KCNK2: variants seen among roughly 807,000 people sequenced by gnomAD.
The protein encoded by KCNK2 is potassium channel subfamily K member 2.
Under a neutral mutation model 40.5 loss-of-function variants are expected in KCNK2, and 21 were observed. That is an observed-to-expected ratio of 0.52 (90% CI 0.37 to 0.75). The LOEUF (loss-of-function observed/expected upper bound fraction) is 0.75, where lower values mean the gene tolerates loss of function less well. Among genes scored for constraint, KCNK2 ranks in the 30% least tolerant of loss-of-function variants. KCNK2 has a pLI of 0.00. For synonymous variants in KCNK2, 191 were observed against 202.2 expected (o/e 0.94, Z 0.47); for missense variants, 399 against 531.6 (o/e 0.75, Z 2.45).
intron 1 of KCNK2, among the ~76,000 whole-genome samples, chr1:215,020,631 G>T (rs1656756973): frequency 6.6e-6 from 1 of 151,994 alleles, no homozygotes; most frequent in Non-Finnish European, 1.5e-5. Flanking sequence ...TCACCATGTT[G>T]CCCAGGTTGG....
At chr1:215,206,940 T>C (rs1250802229) in intron 6 of KCNK2, among the ~76,000 whole-genome samples, 1 of 152,206 alleles carries the variant, frequency 6.6e-6, no homozygotes, top group East Asian at 1.9e-4. Context: ...CTAGAATCTC[T>C]TGGCTATCTT....
At chr1:215,043,769 C>G (rs1175596045) in intron 1 of KCNK2, among the ~76,000 whole-genome samples, 1 of 152,106 alleles carries the variant, frequency 6.6e-6, no homozygotes, top group African/African-American at 2.4e-5. Context: ...ATACTGTATA[C>G]TTATAATTGG....
intron 1 of KCNK2, among the ~76,000 whole-genome samples, chr1:215,011,325 C>T (rs1282597417): frequency 6.6e-6 from 1 of 152,170 alleles, no homozygotes; most frequent in Non-Finnish European, 1.5e-5. Context: ...CAGGGTCTCA[C>T]ACTGGTTGTC....
In KCNK2 at chr1:215,083,313, T is replaced by G; in HGVS notation, c.-73T>G. On this transcript the variant is annotated 5_prime_UTR_variant, in exon 1 of 7. Coordinates refer to ENST00000444842, the MANE Select transcript of KCNK2 (RefSeq NM_001017425.3). ...AGCCCGTCTCTGAATAAGAAGTGAG[T>G]ACAATGGCGTGTTTGTAAAAAAAAG... 3 of 1,610,438 alleles carry G rather than the reference T, an allele frequency of 1.9e-6. No individual in the cohort carries two copies. The South Asian group carries it at 3.3e-5, about 18-fold the overall frequency.
chr1:215,172,263 C>A, intron 5 of KCNK2, 80 bp downstream of exon 5: 1 of 1,298,530 alleles, frequency 7.7e-7, no homozygotes. Context: ...TATAACGAAA[C>A]ACAAGGGCTG....
At chr1:215,018,110 G>A (rs1361420182) in intron 1 of KCNK2, among the ~76,000 whole-genome samples, 6 of 152,184 alleles carry the variant, frequency 3.9e-5, no homozygotes, top group Non-Finnish European at 5.9e-5. Context: ...TATGTATGAT[G>A]TAGATATTGA....
chr1:215,093,789 TATTATATAATATAA>T (rs1659835040), intron 2 of KCNK2, among the ~76,000 whole-genome samples: 7 of 14,158 alleles, frequency 4.9e-4, no homozygotes, highest in Non-Finnish European at 1.3e-3. Context: ...ATATATTATA[TATTATATAATATAA>T]AATATATTAT....
upstream of KCNK2, chr1:215,005,813 G>A: frequency 1.1e-6 from 1 of 945,278 alleles, no homozygotes; most frequent in Non-Finnish European, 1.7e-6. Context: ...TGGGACGATG[G>A]CTTGTTAGTA....
At chr1:215,196,633 C>A (rs573095967) in intron 6 of KCNK2, among the ~76,000 whole-genome samples, 1 of 151,982 alleles carries the variant, frequency 6.6e-6, no homozygotes, top group Non-Finnish European at 1.5e-5. Context: ...TGAATAGGAC[C>A]GCAATGGATT....
At chr1:215,223,215 A>G (rs1240621411) in intron 6 of KCNK2, among the ~76,000 whole-genome samples, 1 of 144,312 alleles carries the variant, frequency 6.9e-6, no homozygotes, top group African/African-American at 2.6e-5. Context: ...AACAATGATT[A>G]TATCTGTACA....
chr1:215,050,923 T>C (rs1657964721), intron 1 of KCNK2, among the ~76,000 whole-genome samples: 1 of 152,146 alleles, frequency 6.6e-6, no homozygotes, highest in African/African-American at 2.4e-5. Context: ...GTCACAGTAA[T>C]AGGTTGTTAA....
chr1:215,073,257 G>C (rs1169493472), intron 1 of KCNK2, among the ~76,000 whole-genome samples: 1 of 152,108 alleles, frequency 6.6e-6, no homozygotes, highest in Middle Eastern at 3.2e-3. Context: ...CTTCTACTCC[G>C]CAGACCACAT....
chr1:215,069,732 T>C (rs79231259), intron 1 of KCNK2, among the ~76,000 whole-genome samples: 1,756 of 152,332 alleles, frequency 0.012, 39 homozygotes, highest in South Asian at 0.096. Flanking sequence ...TGGCTGGGCC[T>C]GAATTCAAAT....
rs1161761153 is a variant in KCNK2, at chr1:215,093,743, A to T, written c.357+7065A>T. On this transcript the variant is annotated intron_variant, in intron 2 of 6. Transcript: ENST00000444842. Reference sequence around the variant, plus strand: ...ATAAAAATATATAATATATAATATAAAAATATATTATATATTATATAATAT... The same window carrying T: ...ATAAAAATATATAATATATAATATATAAATATATTATATATTATATAATAT... 1.7e-4 allele frequency among the ~76,000 whole-genome samples: 10 copies of T among 58,916 alleles called. No homozygotes were observed. The South Asian group carries it at 4.4e-3, about 26-fold the overall frequency. 38.7% of individuals were successfully genotyped at this position (58,916 alleles called of 152,430 possible).
At position 215,086,636 on chromosome 1, in the gene KCNK2, A is replaced by T. The variant is rs780409026; in HGVS notation, c.315A>T (p.Gln105His). 1.2e-6 allele frequency: 2 copies of T among 1,614,110 alleles called. No homozygotes were observed. The highest frequency in any genetic ancestry group is 4.5e-5 in the East Asian group (2 of 44,864). The change falls in exon 2 of 7, where the codon CAA becomes CAT. Residue 105 changes from glutamine (Q) to histidine (H), a missense_variant. Physicochemically the swap from Gln to His is conservative, Grantham distance 24. Around this residue, in one of 3 missense-constraint regions of KCNK2, gnomAD observed 279 missense variants for 353.8 expected, o/e 0.79. Transcript: ENST00000444842. ...IVIQKQTFIS[Q>H]HSCVNSTELD... ...TCCAGAAGCAAACATTCATATCCCA[A>T]CATTCCTGTGTCAATTCGACGGAGC...
At position 215,161,913 on chromosome 1, in the gene KCNK2, A is replaced by G. The variant is rs545965049; in HGVS notation, c.476-7286A>G. ...CATGAGCATGTGTCTTTATTGTAGA[A>G]TGATTTATAATCCTTTGGGCATATA... On this transcript the variant is annotated intron_variant, in intron 3 of 6. Coordinates refer to ENST00000444842, the MANE Select transcript of KCNK2 (RefSeq NM_001017425.3). Among the ~76,000 whole-genome samples the G allele has an allele frequency of 2.0e-5, 3 of 152,294 alleles. No individual in the cohort carries two copies. The East Asian group carries it at 5.8e-4, about 29-fold the overall frequency.
chr1:215,088,532 C>T (rs1659554671), intron 2 of KCNK2, among the ~76,000 whole-genome samples: 1 of 149,616 alleles, frequency 6.7e-6, no homozygotes, highest in Non-Finnish European at 1.5e-5. Flanking sequence ...CATGTAGTTG[C>T]ATTCTTATCA....
At chr1:215,170,466 C>A (rs1187419148) in intron 4 of KCNK2, among the ~76,000 whole-genome samples, 1 of 152,120 alleles carries the variant, frequency 6.6e-6, no homozygotes, top group Non-Finnish European at 1.5e-5. Context: ...ACTTCTAGCA[C>A]CACTGTTGCA....
chr1:215,100,731 C>T (rs554903130), intron 2 of KCNK2, among the ~76,000 whole-genome samples: 97 of 152,080 alleles, frequency 6.4e-4, no homozygotes, highest in African/African-American at 2.2e-3. Flanking sequence ...TTCCACTTGT[C>T]GCAAACCATC....
Sources: allele counts gnomAD v4.1 joint callset (sites outside exome capture counted in the v4.1 genomes callset), GRCh38; gene constraint gnomAD v4.1.1; regional missense constraint gnomAD v4.1.1; transcripts MANE v1.5; gene names NCBI Gene and HGNC (gene_info 2026-07-23, HGNC 2026-07-21).